The following QTMAN variants were observed in gnomAD, a reference collection of about 807,000 sequenced individuals.
QTMAN encodes queuosine-tRNA mannosyltransferase.
chr2:144,323,708 A>C, the QTMAN span, among the ~76,000 whole-genome samples: 1 of 152,208 alleles, frequency 6.6e-6, no homozygotes. Flanking sequence ...AATATCCCCC[A>C]TATAATAAAT....
chr2:144,332,709 C>T, the QTMAN span: 2 of 152,428 alleles, frequency 1.3e-5, no homozygotes, highest in African/African-American at 4.8e-5. Flanking sequence ...ATCGCTCCGC[C>T]CCAGCCCGCG....
the QTMAN span, chr2:143,942,976 AAAGAGTGGC>A: frequency 6.6e-6 from 1 of 152,260 alleles, no homozygotes; most frequent in Non-Finnish European, 1.5e-5. Context: ...GAAATGTCAC[AAAGAGTGGC>A]AAGAAGCCTT....
chr2:144,163,443 T>TA, the QTMAN span, among the ~76,000 whole-genome samples: 2 of 152,200 alleles, frequency 1.3e-5, no homozygotes, highest in Non-Finnish European at 2.9e-5. Flanking sequence ...GAAGTCCTTA[T>TA]AAAATCTCCT....
the QTMAN span, among the ~76,000 whole-genome samples, chr2:144,303,281 T>C: frequency 6.6e-6 from 1 of 152,114 alleles, no homozygotes; most frequent in South Asian, 2.1e-4. Context: ...ATGTTAAGTA[T>C]AAAAACGTAG....
At chr2:144,181,333 A>G in the QTMAN span, among the ~76,000 whole-genome samples, 2 of 152,224 alleles carry the variant, frequency 1.3e-5, no homozygotes, top group African/African-American at 2.4e-5. Flanking sequence ...CCACGGGATT[A>G]AGCATCTAAA....
chr2:144,274,516 T>A, the QTMAN span, among the ~76,000 whole-genome samples: 2 of 152,124 alleles, frequency 1.3e-5, no homozygotes, highest in Non-Finnish European at 2.9e-5. Context: ...ATTGAGTTGA[T>A]CACCAATGAC....
the QTMAN span, among the ~76,000 whole-genome samples, chr2:144,233,081 C>A: frequency 6.6e-6 from 1 of 152,072 alleles, no homozygotes; most frequent in East Asian, 1.9e-4. Flanking sequence ...CATGAACTGA[C>A]CCTGAATTTT....
chr2:144,019,435 G>GGTAGGTGTGT, the QTMAN span, among the ~76,000 whole-genome samples: 1 of 117,224 alleles, frequency 8.5e-6, no homozygotes, highest in Non-Finnish European at 1.8e-5. Context: ...TAAGCATGCA[G>GGTAGGTGTGT]GTGTGTGTGT....
At chr2:144,248,789 G>C in the QTMAN span, among the ~76,000 whole-genome samples, 1 of 151,662 alleles carries the variant, frequency 6.6e-6, no homozygotes, top group African/African-American at 2.4e-5. Flanking sequence ...GTTTTGAGAG[G>C]GATAATAGTC....
chr2:144,218,020 T>C, the QTMAN span, among the ~76,000 whole-genome samples: 7 of 152,224 alleles, frequency 4.6e-5, no homozygotes, highest in Non-Finnish European at 7.3e-5. Context: ...TTGCTTACCA[T>C]TGTTATCTCT....
chr2:144,183,706 A>C, the QTMAN span, among the ~76,000 whole-genome samples: 1 of 152,162 alleles, frequency 6.6e-6, no homozygotes, highest in African/African-American at 2.4e-5. Flanking sequence ...CCCAAATGTA[A>C]CTTTCTTACA....
chr2:143,982,528 C>A, the QTMAN span, among the ~76,000 whole-genome samples: 2 of 151,690 alleles, frequency 1.3e-5, no homozygotes, highest in African/African-American at 4.8e-5. Flanking sequence ...AGCCACCATG[C>A]CTGGCCACCA....
chr2:144,302,315 A>G, the QTMAN span, among the ~76,000 whole-genome samples: 1 of 152,156 alleles, frequency 6.6e-6, no homozygotes, highest in African/African-American at 2.4e-5. Flanking sequence ...GAGTCATAAA[A>G]TAAGTAAAAA....
chr2:144,238,096 T>C, the QTMAN span, among the ~76,000 whole-genome samples: 1 of 152,190 alleles, frequency 6.6e-6, no homozygotes, highest in Non-Finnish European at 1.5e-5. Context: ...CCAATCCCTT[T>C]CTAGCATGCA....
chr2:143,986,192 C>T, the QTMAN span, among the ~76,000 whole-genome samples: 5 of 152,086 alleles, frequency 3.3e-5, no homozygotes, highest in Admixed American at 3.3e-4. Flanking sequence ...CTCAAGGGTC[C>T]ATTTAATTGG....
the QTMAN span, among the ~76,000 whole-genome samples, chr2:144,226,807 A>G: frequency 6.6e-6 from 1 of 152,166 alleles, no homozygotes; most frequent in Non-Finnish European, 1.5e-5. Flanking sequence ...AAAATAACAG[A>G]AACTGAATGG....
chr2:144,312,962 T>G, the QTMAN span, among the ~76,000 whole-genome samples: 5 of 67,076 alleles, frequency 7.5e-5, no homozygotes, highest in South Asian at 3.4e-3. Context: ...CAGGTATTTC[T>G]TTATAGCAGT....
the QTMAN span, among the ~76,000 whole-genome samples, chr2:144,227,957 C>T: frequency 1.3e-5 from 2 of 152,162 alleles, no homozygotes; most frequent in Non-Finnish European, 2.9e-5. Flanking sequence ...GAGAATTAGA[C>T]AGAAGTCCCT....
At chr2:144,217,988 G>T in the QTMAN span, among the ~76,000 whole-genome samples, 2 of 152,158 alleles carry the variant, frequency 1.3e-5, no homozygotes, top group Non-Finnish European at 2.9e-5. Flanking sequence ...AAGTTCCACG[G>T]AGACACTTGA....
Sources: allele counts gnomAD v4.1 joint callset (sites outside exome capture counted in the v4.1 genomes callset), GRCh38; gene constraint gnomAD v4.1.1; transcripts MANE v1.5; gene names NCBI Gene and HGNC (gene_info 2026-07-23, HGNC 2026-07-21).